Variants in SMARCA5 observed in about 807,000 individuals in gnomAD.
The protein encoded by SMARCA5 is SWI/SNF-related matrix-associated actin-dependent regulator of chromatin subfamily A member 5.
Under a neutral mutation model 140.4 loss-of-function variants are expected in SMARCA5, and 18 were observed. The observed-to-expected ratio is 0.13, with a 90% CI of 0.09 to 0.19. SMARCA5 has a LOEUF of 0.19. SMARCA5 is among the 10% of genes least tolerant of loss of function. SMARCA5 has a pLI of 1.00. For missense variants in SMARCA5, 606 were observed against 1,276.8 expected (o/e 0.47, Z 8.01); for synonymous variants, 449 against 419.6 (o/e 1.07, Z -0.86).
At chr4:143,535,074 A>T in intron 10 of SMARCA5, 110 bp downstream of exon 10, 1 of 714,922 alleles carries the variant, frequency 1.4e-6, no homozygotes, top group Non-Finnish European at 2.2e-6. Flanking sequence ...GCTGGATTGA[A>T]CTCAACCTGA....
chr4:143,538,796 A>G lies in SMARCA5; in HGVS notation c.1628A>G (p.Asn543Ser), dbSNP rs765414474. ...TPHDERQDSINAYNEPNSTKF... is the reference protein window; with the variant it reads ...TPHDERQDSISAYNEPNSTKF... ...TTGTTTTATCCATAGGACTCCATCA[A>G]TGCATACAATGAACCAAACAGCACA... The change falls in exon 13 of 24, where the codon AAT becomes AGT. Residue 543 changes from asparagine to serine, a missense_variant. Physicochemically the swap from Asn to Ser is conservative, Grantham distance 46 (BLOSUM62 1). Around this residue, in one of 10 missense-constraint regions of SMARCA5, gnomAD observed 68 missense variants for 126.9 expected, o/e 0.54. Coordinates refer to ENST00000283131, the MANE Select transcript of SMARCA5 (RefSeq NM_003601.4). 1.9e-6 allele frequency: 3 copies of G among 1,614,056 alleles called. No individual in the cohort carries two copies. Among genetic ancestry groups the G allele is most frequent in the East Asian group, 2.2e-5 (1 of 44,870 alleles).
intron 6 of SMARCA5, 82 bp from the exon 7 acceptor site, chr4:143,527,786 T>C: frequency 8.3e-7 from 1 of 1,203,794 alleles, no homozygotes; most frequent in Non-Finnish European, 1.2e-6. Flanking sequence ...CACCTCTTTT[T>C]ATATACTAGA....
At chr4:143,544,696 A>G (rs2149824215) in intron 16 of SMARCA5, 41 bp from the exon 17 acceptor site, 1 of 1,040,584 alleles carries the variant, frequency 9.6e-7, no homozygotes, top group South Asian at 1.3e-5. Flanking sequence ...GTTACTGTGT[A>G]TAATAAAAGT....
chr4:143,552,108 G>C (rs1737651392), intron 23 of SMARCA5, among the ~76,000 whole-genome samples: 1 of 151,850 alleles, frequency 6.6e-6, no homozygotes, highest in South Asian at 2.1e-4. Flanking sequence ...GTTTATCTTA[G>C]AGATCTTTCG....
At chr4:143,549,013 T>G (rs960978631) in intron 22 of SMARCA5, among the ~76,000 whole-genome samples, 1 of 152,092 alleles carries the variant, frequency 6.6e-6, no homozygotes, top group East Asian at 1.9e-4. Flanking sequence ...GATAAAACAC[T>G]GTATAAATAT....
chr4:143,516,509 T>C (rs1736840193), intron 1 of SMARCA5, among the ~76,000 whole-genome samples: 1 of 152,198 alleles, frequency 6.6e-6, no homozygotes, highest in Non-Finnish European at 1.5e-5. Context: ...TAGGTGGCTT[T>C]GTCACTTACA....
intron 2 of SMARCA5, among the ~76,000 whole-genome samples, chr4:143,520,467 C>A (rs781221776): frequency 2.0e-5 from 3 of 152,156 alleles, no homozygotes; most frequent in Non-Finnish European, 4.4e-5. Context: ...ATGTGCCTTC[C>A]TAATAGCAAA....
rs745725913 is a variant in SMARCA5, at chr4:143,545,572, A to G, written c.2386A>G (p.Ile796Val). The G allele has an allele frequency of 7.0e-6, 11 of 1,561,872 alleles. No individual in the cohort carries two copies. The Admixed American group carries it at 8.4e-5, about 12-fold the overall frequency. ...EKEILFYRKT[I>V]GYKVPRNPEL... ...AGAAATTCTGTTTTACAGAAAAACT[A>G]TTGGGTACAAGGTAATTGAAATTAT... The change falls in exon 18 of 24, where the codon ATT (isoleucine) becomes GTT (valine). Residue 796 changes from isoleucine (I) to valine (V), a missense_variant. This residue lies in a region of SMARCA5 where 121 missense variants were observed against 227.1 expected (regional missense o/e 0.53). Coordinates refer to ENST00000283131, the MANE Select transcript of SMARCA5 (RefSeq NM_003601.4).
rs192141117 is a variant in SMARCA5, at chr4:143,527,798, T to G, written c.802-70T>G. 36 of 1,298,842 alleles carry G rather than the reference T, an allele frequency of 2.8e-5. No individual in the cohort carries two copies. In the Admixed American group the frequency reaches 7.9e-4, roughly 29 times the overall value. The allele number at this position is 1,298,842 out of a possible 1,614,324, so 80.5% of individuals were successfully genotyped here. ...TCCCACCTCTTTTTATATACTAGAT[T>G]ACTTGTCATCAGTAAATGTAATGCG... On this transcript the variant is annotated intron_variant, in intron 6 of 23. Transcript: ENST00000283131.
intron 9 of SMARCA5, among the ~76,000 whole-genome samples, chr4:143,531,116 G>A (rs1449921915): frequency 1.3e-5 from 2 of 152,140 alleles, no homozygotes; most frequent in African/African-American, 4.8e-5. Context: ...CACCACGCCC[G>A]GCCTTAATAG....
At chr4:143,528,842 C>A in intron 8 of SMARCA5, 128 bp downstream of exon 8, 2 of 716,478 alleles carry the variant, frequency 2.8e-6, no homozygotes, top group Non-Finnish European at 4.3e-6. Flanking sequence ...CTTTTATTTA[C>A]ATAGTTAGCC....
chr4:143,517,143 T>A lies in SMARCA5; in HGVS notation c.178-212T>A, dbSNP rs536205210. Reference sequence around the variant, plus strand: ...CTAATCTTGGCAACAACCATACAGTTTATATATATGGGTTAAATACGTTGT... The same window carrying A: ...CTAATCTTGGCAACAACCATACAGTATATATATATGGGTTAAATACGTTGT... On this transcript the variant is annotated intron_variant, in intron 1 of 23. Coordinates refer to ENST00000283131, the MANE Select transcript of SMARCA5 (RefSeq NM_003601.4). Among the ~76,000 whole-genome samples, 5 of 152,306 alleles carry A rather than the reference T, an allele frequency of 3.3e-5. No individual in the cohort carries two copies. In the East Asian group the frequency reaches 9.6e-4, roughly 29 times the overall value.
At chr4:143,542,386 C>A (rs1737445254) in intron 14 of SMARCA5, among the ~76,000 whole-genome samples, 1 of 152,130 alleles carries the variant, frequency 6.6e-6, no homozygotes, top group African/African-American at 2.4e-5. Context: ...CGAGAGTACA[C>A]AAGCACTTTA....
intron 2 of SMARCA5, among the ~76,000 whole-genome samples, chr4:143,519,962 A>G (rs1736923635): frequency 6.6e-6 from 1 of 152,076 alleles, no homozygotes; most frequent in Non-Finnish European, 1.5e-5. Context: ...TATAGCCTCT[A>G]TTATCCTACC....
In SMARCA5 at chr4:143,516,183, A is replaced by G. The variant is rs1444437580; in HGVS notation, c.178-1172A>G. On this transcript the variant is annotated intron_variant, in intron 1 of 23. Transcript: ENST00000283131. Reference sequence around the variant, plus strand: ...TATGATCTAAGGTGTTTTTCTAAACAGAGTAAACCCAGCATTCATGAATTT... The same window carrying G: ...TATGATCTAAGGTGTTTTTCTAAACGGAGTAAACCCAGCATTCATGAATTT... 2.7e-5 allele frequency among the ~76,000 whole-genome samples: 4 copies of G among 150,718 alleles called. No homozygotes were observed. The Admixed American group carries it at 2.7e-4, about 10-fold the overall frequency.
chr4:143,531,941 A>G (rs941858413), intron 9 of SMARCA5, among the ~76,000 whole-genome samples: 3 of 152,142 alleles, frequency 2.0e-5, no homozygotes, highest in African/African-American at 4.8e-5. Context: ...ATCTTTAACA[A>G]TCTGAGCATC....
In SMARCA5 at chr4:143,554,651, CA is replaced by C. The variant is rs1737712571; in HGVS notation, c.*1471del. 6.6e-6 allele frequency: 1 copy of C among 152,530 alleles called. No individual in the cohort carries two copies. The highest frequency in any genetic ancestry group is 6.5e-5 in the Admixed American group (1 of 15,324). The allele number at this position is 152,530 out of a possible 1,614,324, so 9.4% of individuals were successfully genotyped here. A position where few individuals can be genotyped will look rare whatever the true frequency, so the allele number is the denominator to read the frequency against. ...AAGTAATTTGAATTTAGTGCTACCT[CA>C]AAATTAACTTTTTAAATACTATGTT... On this transcript the variant is annotated 3_prime_UTR_variant, in exon 24 of 24. Coordinates refer to ENST00000283131, the MANE Select transcript of SMARCA5 (RefSeq NM_003601.4).
chr4:143,549,156 C>T (rs1578806208), intron 22 of SMARCA5, among the ~76,000 whole-genome samples: 1 of 151,704 alleles, frequency 6.6e-6, no homozygotes, highest in Non-Finnish European at 1.5e-5. Flanking sequence ...AGTACAGTAC[C>T]GTAATTTAAA....
intron 14 of SMARCA5, 60 bp downstream of exon 14, chr4:143,540,555 A>C: frequency 5.3e-6 from 8 of 1,513,790 alleles, no homozygotes; most frequent in Non-Finnish European, 7.2e-6. Flanking sequence ...TTTTTGTTTG[A>C]AAATCGTCTT....
Sources: allele counts gnomAD v4.1 joint callset (sites outside exome capture counted in the v4.1 genomes callset), GRCh38; gene constraint gnomAD v4.1.1; regional missense constraint gnomAD v4.1.1; transcripts MANE v1.5; gene names NCBI Gene and HGNC (gene_info 2026-07-23, HGNC 2026-07-21).